Variants in ZNF654 observed in about 807,000 individuals in gnomAD.
ZNF654 encodes melanoma-associated antigen.
ZNF654 carries 19 observed loss-of-function variants against 95.3 expected under a neutral mutation model. The ratio of observed to expected loss-of-function variants is 0.20; its 90% CI spans 0.14 to 0.29. The LOEUF (loss-of-function observed/expected upper bound fraction) is 0.29. ZNF654 is among the 10% of genes least tolerant of loss of function. The probability of loss-of-function intolerance (pLI) is 1.00; values close to 1 mark genes in which losing one functional copy is unlikely to be tolerated. For synonymous variants in ZNF654, 413 were observed against 457.9 expected (o/e 0.90, Z 1.25); for missense variants, 1,046 against 1,341.0 (o/e 0.78, Z 3.44).
At chr3:88,121,744 CAAAG>C (rs1004138731) in intron 3 of ZNF654, among the ~76,000 whole-genome samples, 9 of 152,198 alleles carry the variant, frequency 5.9e-5, no homozygotes, top group African/African-American at 2.2e-4. Context: ...TACTGTATTT[CAAAG>C]ATTACGTTTT....
chr3:88,097,196 A>C (rs1704117109), intron 2 of ZNF654, among the ~76,000 whole-genome samples: 1 of 152,272 alleles, frequency 6.6e-6, no homozygotes, highest in Non-Finnish European at 1.5e-5. Flanking sequence ...GAGTAGATTA[A>C]TTGCTAGATC....
chr3:88,078,546 T>G (rs923487604), intron 1 of ZNF654, among the ~76,000 whole-genome samples: 2 of 152,104 alleles, frequency 1.3e-5, no homozygotes, highest in Admixed American at 6.5e-5. Context: ...TCCAAAAAGG[T>G]AGGTTATGGG....
intron 1 of ZNF654, among the ~76,000 whole-genome samples, chr3:88,072,092 A>G (rs1707548435): frequency 6.6e-6 from 1 of 152,210 alleles, no homozygotes. Context: ...TAAGAAAATA[A>G]TAGGTACTGT....
At chr3:88,059,552 C>T (rs780011976) in intron 1 of ZNF654, 47 bp downstream of exon 1, 95 of 1,448,200 alleles carry the variant, frequency 6.6e-5, no homozygotes, top group Non-Finnish European at 8.4e-5. Context: ...GGTCCTGGGC[C>T]TCTCTGCGTC....
At chr3:88,089,744 T>C (rs1424520348) in intron 2 of ZNF654, among the ~76,000 whole-genome samples, 5 of 152,118 alleles carry the variant, frequency 3.3e-5, no homozygotes, top group Non-Finnish European at 5.9e-5. Flanking sequence ...CCCAAAAATA[T>C]CTTGAGAAGA....
At chr3:88,109,142 A>AGTGTGTGTGTGT (rs35595112) in intron 2 of ZNF654, among the ~76,000 whole-genome samples, 3,651 of 142,450 alleles carry the variant, frequency 0.026, 61 homozygotes, top group Non-Finnish European at 0.037. Context: ...AGTGGGCACT[A>AGTGTGTGTGTGT]GTGTGTGTGT....
At chr3:88,091,640 T>TTTA (rs1708635396) in intron 2 of ZNF654, among the ~76,000 whole-genome samples, 1 of 152,174 alleles carries the variant, frequency 6.6e-6, no homozygotes, top group Non-Finnish European at 1.5e-5. Flanking sequence ...GCTTCCATAA[T>TTTA]CTCCACGTGT....
intron 3 of ZNF654, among the ~76,000 whole-genome samples, chr3:88,124,163 C>G (rs973662541): frequency 6.6e-6 from 1 of 152,154 alleles, no homozygotes; most frequent in Non-Finnish European, 1.5e-5. Context: ...GTCTTTTGAG[C>G]GCTTACTAGG....
At chr3:88,123,160 ATTCTAT>A (rs1363206434) in intron 3 of ZNF654, among the ~76,000 whole-genome samples, 1 of 152,160 alleles carries the variant, frequency 6.6e-6, no homozygotes, top group African/African-American at 2.4e-5. Flanking sequence ...AAAAGCCACT[ATTCTAT>A]TTAAGGAACG....
intron 2 of ZNF654, among the ~76,000 whole-genome samples, chr3:88,101,839 A>G (rs559175052): frequency 1.3e-5 from 2 of 152,254 alleles, no homozygotes; most frequent in East Asian, 1.9e-4. Flanking sequence ...TATCTTTTTC[A>G]TAATAGCCAT....
At chr3:88,094,192 A>G (rs1189686205) in intron 2 of ZNF654, among the ~76,000 whole-genome samples, 2 of 151,468 alleles carry the variant, frequency 1.3e-5, no homozygotes, top group Non-Finnish European at 2.9e-5. Context: ...ATTACACTAG[A>G]GTATTTTGTT....
chr3:88,141,993 A>AG lies in ZNF654; in HGVS notation c.*341_*342insG, dbSNP rs56894701. On this transcript the variant is annotated 3_prime_UTR_variant, in exon 9 of 9. Transcript: ENST00000636215. ...AGCTATGGCCTTACAGAAAGGGAAAAATTAACCCATTATTAAAAAGTGTGT... is the reference window on the plus strand; with the variant it reads ...AGCTATGGCCTTACAGAAAGGGAAAAGATTAACCCATTATTAAAAAGTGTGT... 0.79 allele frequency: 153,965 copies of AG among 196,032 alleles called. 61,819 individuals are homozygous for AG. Among genetic ancestry groups the AG allele is most frequent in the South Asian group, 0.9 (5,033 of 5,618 alleles). The allele number at this position is 196,032 out of a possible 1,614,324, so 12.1% of individuals were successfully genotyped here. A position where few individuals can be genotyped will look rare whatever the true frequency, so the allele number is the denominator to read the frequency against.
At chr3:88,104,949 G>A (rs988793486) in intron 2 of ZNF654, among the ~76,000 whole-genome samples, 1 of 152,198 alleles carries the variant, frequency 6.6e-6, no homozygotes, top group African/African-American at 2.4e-5. Context: ...GACCAGCCTG[G>A]CCAACATAGT....
intron 2 of ZNF654, among the ~76,000 whole-genome samples, chr3:88,098,281 G>T (rs1475915379): frequency 1.3e-5 from 2 of 152,154 alleles, no homozygotes; most frequent in Non-Finnish European, 2.9e-5. Flanking sequence ...ACTAAACCAG[G>T]AAGAAGTTGA....
chr3:88,116,281 G>A (rs1705385414), intron 3 of ZNF654, among the ~76,000 whole-genome samples: 2 of 152,228 alleles, frequency 1.3e-5, no homozygotes, highest in South Asian at 4.2e-4. Flanking sequence ...AGCACTTTGG[G>A]AGGCCGAGGC....
chr3:88,113,233 C>A, intron 3 of ZNF654, 37 bp downstream of exon 3: 1 of 1,314,330 alleles, frequency 7.6e-7, no homozygotes, highest in Non-Finnish European at 1.0e-6. Context: ...TTTGTCTACA[C>A]TTAAAATAGA....
At chr3:88,111,283 C>T (rs1343917121) in intron 2 of ZNF654, among the ~76,000 whole-genome samples, 7 of 151,834 alleles carry the variant, frequency 4.6e-5, no homozygotes, top group Non-Finnish European at 1.0e-4. Flanking sequence ...AAATAATTCT[C>T]CCTTTCATTT....
At chr3:88,078,326 A>C (rs1707918996) in intron 1 of ZNF654, among the ~76,000 whole-genome samples, 1 of 152,154 alleles carries the variant, frequency 6.6e-6, no homozygotes, top group South Asian at 2.1e-4. Context: ...ACTTCTAACA[A>C]GGTGAATGAT....
chr3:88,123,422 C>T (rs1360716644), intron 3 of ZNF654, among the ~76,000 whole-genome samples: 3 of 152,054 alleles, frequency 2.0e-5, no homozygotes, highest in Non-Finnish European at 4.4e-5. Flanking sequence ...TGGCAAGAGT[C>T]AAGTATATAA....
Sources: allele counts gnomAD v4.1 joint callset (sites outside exome capture counted in the v4.1 genomes callset), GRCh38; gene constraint gnomAD v4.1.1; transcripts MANE v1.5; gene names NCBI Gene and HGNC (gene_info 2026-07-23, HGNC 2026-07-21).